Variants in PIK3R6 observed in about 807,000 individuals in gnomAD.
PIK3R6 encodes the protein phosphoinositide 3-kinase regulatory subunit 6.
Under a neutral mutation model 84.9 loss-of-function variants are expected in PIK3R6, and 91 were observed. The observed-to-expected ratio is 1.07, with a 90% CI of 0.90 to 1.28. PIK3R6 has a LOEUF of 1.28. Ranked by LOEUF, PIK3R6 falls within the 50% of genes most tolerant of loss-of-function variation. The probability of loss-of-function intolerance (pLI) is 0.00; values close to 1 mark genes in which losing one functional copy is unlikely to be tolerated. For missense variants in PIK3R6, 996 were observed against 985.1 expected (o/e 1.01, Z -0.15); for synonymous variants, 416 against 411.4 (o/e 1.01, Z -0.13).
At chr17:8,848,151 T>C (rs898531031) in intron 2 of PIK3R6, among the ~76,000 whole-genome samples, 6 of 152,230 alleles carry the variant, frequency 3.9e-5, no homozygotes, top group Admixed American at 6.5e-5. Context: ...TCCGTCCTTT[T>C]GGCAGGGCTA....
chr17:8,804,633 C>T (rs2087146006), intron 18 of PIK3R6, among the ~76,000 whole-genome samples: 1 of 152,156 alleles, frequency 6.6e-6, no homozygotes, highest in South Asian at 2.1e-4. Flanking sequence ...AGACCCCAAG[C>T]TCAGACCAAG....
intron 2 of PIK3R6, among the ~76,000 whole-genome samples, chr17:8,843,275 C>T (rs2088733596): frequency 6.6e-6 from 1 of 151,984 alleles, no homozygotes; most frequent in Non-Finnish European, 1.5e-5. Flanking sequence ...TTTCTCTCTC[C>T]TCCCTCCTTC....
chr17:8,865,509 G>A (rs951247201), intron 1 of PIK3R6, among the ~76,000 whole-genome samples: 7 of 152,156 alleles, frequency 4.6e-5, no homozygotes, highest in Admixed American at 4.6e-4. Context: ...GCAGAGCCTG[G>A]GTCACCTGCC....
chr17:8,835,358 G>T lies in PIK3R6; in HGVS notation c.560C>A (p.Thr187Asn). ...GTGGGAGACCACGTGGCGCATGCAG[G>T]TCTCTGGTGTCTGCTGCGCCTGGGC... ...EAAQAQQTPE[T>N]CMRHVVSHAL... The change falls in exon 8 of 20, where the codon ACC becomes AAC. Residue 187 changes from threonine (T) to asparagine (N), a missense_variant. Coordinates refer to ENST00000619866, the MANE Select transcript of PIK3R6 (RefSeq NM_001010855.4). The T allele has an allele frequency of 6.2e-7, 1 of 1,611,740 alleles. No individual in the cohort carries two copies. Among genetic ancestry groups the T allele is most frequent in the Non-Finnish European group, 8.5e-7 (1 of 1,178,472 alleles).
In PIK3R6 at chr17:8,811,877, T is replaced by C. The variant is rs565207034; in HGVS notation, c.1995+7206A>G. ...CTCTGCCTGTTACCCAGTTCCAAAG[T>C]TGCTTCCACATTTTCAGGTATCTTT... On this transcript the variant is annotated intron_variant, in intron 18 of 19. Transcript: ENST00000619866. Among the ~76,000 whole-genome samples, 5 of 148,428 alleles carry C rather than the reference T, an allele frequency of 3.4e-5. 2 individuals are homozygous for C. The highest frequency in any genetic ancestry group is 1.3e-4 in the African/African-American group (5 of 39,828).
At chr17:8,850,220 G>A (rs1241430986) in intron 1 of PIK3R6, among the ~76,000 whole-genome samples, 7 of 151,380 alleles carry the variant, frequency 4.6e-5, no homozygotes, top group African/African-American at 9.7e-5. Flanking sequence ...CAGGAGAATC[G>A]CCTGAACCTG....
Position 8,821,846 on chromosome 17 carries a change from C to G in PIK3R6, c.1879G>C (p.Val627Leu). 2.5e-6 allele frequency: 4 copies of G among 1,591,278 alleles called. No individual in the cohort carries two copies. The highest frequency in any genetic ancestry group is 3.4e-6 in the Non-Finnish European group (4 of 1,168,486). The part of the protein sequence containing the change: ...LKAIPASDTE[V>L]SGSSHCPLPA... ...TTGCTCTGCATTCCCCATTCCTCAC[C>G]TTCTGTGTCGCTGGCTGGAATGGCC... Residue 627 changes from valine to leucine, a missense_variant and splice_region_variant, in exon 17 of 20, where the codon GTT becomes CTT. Val to Leu is a conservative substitution (Grantham distance 32). Coordinates refer to ENST00000619866, the MANE Select transcript of PIK3R6 (RefSeq NM_001010855.4).
Position 8,803,188 on chromosome 17 carries a change from C to G in PIK3R6, c.*85G>C. ...CAAGGCCAAAGCTGCCGTGTGGAGCCGGGCCTTGCTCTGGCTGTTGGTGTG... is the reference window on the plus strand; with the variant it reads ...CAAGGCCAAAGCTGCCGTGTGGAGCGGGGCCTTGCTCTGGCTGTTGGTGTG... On this transcript the variant is annotated 3_prime_UTR_variant, in exon 20 of 20. Coordinates refer to ENST00000619866, the MANE Select transcript of PIK3R6 (RefSeq NM_001010855.4). This position sits in a 1 kb window ranked among gnomAD's most constrained non-coding sequence, Gnocchi z 5.0. 1 of 1,554,422 alleles carries G rather than the reference C, an allele frequency of 6.4e-7. No homozygotes were observed. The highest frequency in any genetic ancestry group is 8.8e-7 in the Non-Finnish European group (1 of 1,137,874).
chr17:8,830,838 T>A (rs2088207299), intron 9 of PIK3R6, among the ~76,000 whole-genome samples: 1 of 152,132 alleles, frequency 6.6e-6, no homozygotes, highest in South Asian at 2.1e-4. Flanking sequence ...GGGTGCTGCC[T>A]GGTCATTAAG....
intron 13 of PIK3R6, among the ~76,000 whole-genome samples, chr17:8,826,190 G>A (rs1297440288): frequency 6.6e-6 from 1 of 152,184 alleles, no homozygotes; most frequent in Non-Finnish European, 1.5e-5. Flanking sequence ...CCTGCCTCTG[G>A]GCTGCTGTGG....
chr17:8,807,264 G>C (rs2087232684), intron 18 of PIK3R6, among the ~76,000 whole-genome samples: 1 of 152,208 alleles, frequency 6.6e-6, no homozygotes, highest in African/African-American at 2.4e-5. Context: ...TTGAGATCTA[G>C]GATGAGGTGG....
intron 14 of PIK3R6, 146 bp from the exon 15 acceptor site, chr17:8,823,232 T>C (rs2087800648): frequency 2.5e-6 from 2 of 804,976 alleles, no homozygotes; most frequent in Non-Finnish European, 2.0e-6. Context: ...TTAATAATGA[T>C]CTGATTCATT....
chr17:8,851,181 A>AG (rs1467115496), intron 1 of PIK3R6, among the ~76,000 whole-genome samples: 99 of 134,874 alleles, frequency 7.3e-4, no homozygotes, highest in African/African-American at 2.2e-3. Context: ...TTAGATATAC[A>AG]GAAAAAAAAA....
chr17:8,858,718 T>C (rs538093409), intron 1 of PIK3R6, among the ~76,000 whole-genome samples: 1 of 152,120 alleles, frequency 6.6e-6, no homozygotes, highest in Non-Finnish European at 1.5e-5. Context: ...CTATCCTACA[T>C]TGAGTGGCTG....
Position 8,836,903 on chromosome 17 carries a change from C to T in PIK3R6, c.279G>A (p.Glu93=). The change falls in exon 6 of 20, where the codon GAG becomes GAA. Residue 93 remains glutamate, a synonymous_variant. Transcript: ENST00000619866. ...AAAAGGCATAGATTCTCTGGTAGAGCTCTTCTGTGATTCCTGTGGCCTGGG... is the reference window on the plus strand; with the variant it reads ...AAAAGGCATAGATTCTCTGGTAGAGTTCTTCTGTGATTCCTGTGGCCTGGG... ...VLTKATGITE[E]LYQRIYAFCT... The T allele has an allele frequency of 1.3e-6, 2 of 1,542,912 alleles. No individual in the cohort carries two copies. Among genetic ancestry groups the T allele is most frequent in the Non-Finnish European group, 1.8e-6 (2 of 1,141,402 alleles).
chr17:8,838,768 G>A (rs940765996), intron 3 of PIK3R6, 113 bp from the exon 4 acceptor site: 49 of 991,538 alleles, frequency 4.9e-5, no homozygotes, highest in South Asian at 4.4e-4. Context: ...GACCAGCCAC[G>A]GGTGTGACCC....
chr17:8,830,008 G>A (rs1396490824), intron 9 of PIK3R6, among the ~76,000 whole-genome samples: 7 of 152,200 alleles, frequency 4.6e-5, no homozygotes, highest in Admixed American at 2.0e-4. Context: ...TAGTAGCTAC[G>A]TTTTCTCAAA....
chr17:8,808,374 C>T (rs1023775066), intron 18 of PIK3R6, among the ~76,000 whole-genome samples: 1 of 152,168 alleles, frequency 6.6e-6, no homozygotes, highest in African/African-American at 2.4e-5. Context: ...ACTTTAGCAT[C>T]CATGGATTTT....
rs764260800 is a variant in PIK3R6, at chr17:8,828,210, C to G, written c.1314-20G>C. 1.9e-6 allele frequency: 3 copies of G among 1,612,226 alleles called. No individual in the cohort carries two copies. The highest frequency in any genetic ancestry group is 2.5e-6 in the Non-Finnish European group (3 of 1,178,284). On this transcript the variant is annotated intron_variant, in intron 11 of 19. Transcript: ENST00000619866. ...CGTTTCCTAGCAATGGGCAGCAAAG[C>G]AGAGGAGGTTAGGGGCGGGGCTTGG...
Sources: allele counts gnomAD v4.1 joint callset (sites outside exome capture counted in the v4.1 genomes callset), GRCh38; gene constraint gnomAD v4.1.1; non-coding constraint Gnocchi (gnomAD v3.1); transcripts MANE v1.5; gene names NCBI Gene and HGNC (gene_info 2026-07-23, HGNC 2026-07-21).